GRIK3: variants seen among roughly 807,000 people sequenced by gnomAD.
The protein encoded by GRIK3 is glutamate ionotropic receptor kainate type subunit 3.
In GRIK3, 29 loss-of-function variants were observed where a neutral mutation model predicts 102.5. That is an observed-to-expected ratio of 0.28 (90% confidence interval 0.21 to 0.39). The LOEUF (loss-of-function observed/expected upper bound fraction) is 0.39, where lower values mean the gene tolerates loss of function less well. Ranked by LOEUF, GRIK3 falls within the 10% of genes least tolerant of loss-of-function variation. The pLI, the probability that GRIK3 is intolerant of heterozygous loss-of-function variation, is 1.00. For missense variants in GRIK3, 908 were observed against 1,252.4 expected, an observed-to-expected ratio of 0.73 and a Z score of 4.15; for synonymous variants, 511 against 504.9, an observed-to-expected ratio of 1.01 and a Z score of -0.16.
At chr1:36,887,228 C>A (rs560559865) in intron 2 of GRIK3, among the ~76,000 whole-genome samples, 2 of 152,256 alleles carry the variant, frequency 1.3e-5, no homozygotes, top group East Asian at 3.9e-4. Context: ...GATAAAACAA[C>A]AGCATTTCTA....
chr1:36,806,014 G>T lies in GRIK3; in HGVS notation c.2314+90C>A. The T allele has an allele frequency of 4.3e-6, 3 of 695,462 alleles. No homozygotes were observed. Among genetic ancestry groups the T allele is most frequent in the South Asian group, 3.5e-5 (2 of 57,534 alleles). The allele number at this position is 695,462 out of a possible 1,614,324, so 43.1% of individuals were successfully genotyped here. On this transcript the variant is annotated intron_variant, in intron 14 of 15. Coordinates refer to ENST00000373091, the MANE Select transcript of GRIK3 (RefSeq NM_000831.4). This position sits in a 1 kb window ranked among gnomAD's most constrained non-coding sequence, Gnocchi z 4.0. Reference sequence around the variant, plus strand: ...GTCACCTTTATCAGCCCCATGGAATGAGCTGTGAGACGGAGTGTGAGGGGA... The same window carrying T: ...GTCACCTTTATCAGCCCCATGGAATTAGCTGTGAGACGGAGTGTGAGGGGA...
intron 15 of GRIK3, among the ~76,000 whole-genome samples, chr1:36,803,760 C>T (rs1213619776): frequency 6.6e-6 from 1 of 152,210 alleles, no homozygotes; most frequent in Non-Finnish European, 1.5e-5. Flanking sequence ...TGGGAATTCT[C>T]AGAGAATTTG....
intron 5 of GRIK3, among the ~76,000 whole-genome samples, chr1:36,863,339 A>G (rs1028258827): frequency 6.6e-6 from 1 of 152,156 alleles, no homozygotes; most frequent in Non-Finnish European, 1.5e-5. Flanking sequence ...GATCTTTCTA[A>G]GGTATAAATC....
chr1:36,963,747 C>T (rs1273271099), intron 1 of GRIK3, among the ~76,000 whole-genome samples: 11 of 152,178 alleles, frequency 7.2e-5, no homozygotes, highest in Admixed American at 5.9e-4. Flanking sequence ...AAACAATCCC[C>T]AGTGAGATAT....
intron 6 of GRIK3, 83 bp from the exon 7 acceptor site, chr1:36,859,334 T>C (rs12067006): frequency 0.26 from 369,381 of 1,409,530 alleles, 51,766 homozygotes; most frequent in African/African-American, 0.44. Flanking sequence ...TTCTCCTCCC[T>C]TGCCACAGGT....
chr1:36,856,172 T>C (rs575945982), intron 7 of GRIK3, among the ~76,000 whole-genome samples: 1 of 152,350 alleles, frequency 6.6e-6, no homozygotes, highest in African/African-American at 2.4e-5. Context: ...TCCCTCCGCC[T>C]TCTCTCCTCT....
At chr1:36,923,687 C>T (rs559799059) in intron 1 of GRIK3, among the ~76,000 whole-genome samples, 1 of 152,324 alleles carries the variant, frequency 6.6e-6, no homozygotes, top group Admixed American at 6.5e-5. Flanking sequence ...AACTCCTTGT[C>T]TCACATCATA....
At chr1:36,844,013 G>A (rs1024495016) in intron 9 of GRIK3, among the ~76,000 whole-genome samples, 6 of 152,246 alleles carry the variant, frequency 3.9e-5, no homozygotes, top group African/African-American at 1.4e-4. Context: ...AGAGGTCCTA[G>A]GAGCAGATGC....
intron 1 of GRIK3, among the ~76,000 whole-genome samples, chr1:36,942,215 G>T (rs1641728857): frequency 6.6e-6 from 1 of 152,194 alleles, no homozygotes; most frequent in South Asian, 2.1e-4. Context: ...TCTCCGTCGA[G>T]CAGGTCTCTG....
rs557984399 is a variant in GRIK3, at chr1:36,880,350, G to A, written c.550+284C>T. On this transcript the variant is annotated intron_variant, in intron 3 of 15. Transcript: ENST00000373091. This position sits in a 1 kb window ranked among gnomAD's most constrained non-coding sequence, Gnocchi z 5.4. The stretch of plus-strand genomic sequence containing the variant: ...TTGCAGATGTGTGTGCTGCTGCTAG[G>A]GTGGGTGTTCAGTGCAGATTTGAAC... 6.6e-6 allele frequency among the ~76,000 whole-genome samples: 1 copy of A among 152,190 alleles called. No homozygotes were observed.
rs765733567 is a variant in GRIK3, at chr1:36,801,987, C to T, written c.2624G>A (p.Arg875Gln). ...GGGAGGCTGAGGCTTGTGCTTGACT[C>T]GACGCTGGCAGGTAAGGGAGAAACG... Reference protein sequence around the residue: ...EIRFSLTCQRRVKHKPQPPMM... With the variant: ...EIRFSLTCQRQVKHKPQPPMM... The change falls in exon 16 of 16, where the codon CGA (arginine) becomes CAA (glutamine). Residue 875 changes from arginine (R) to glutamine (Q), a missense_variant. Physicochemically the swap from Arg to Gln is conservative, Grantham distance 43 (BLOSUM62 1). Transcript: ENST00000373091. 5.6e-6 allele frequency: 9 copies of T among 1,613,592 alleles called. No homozygotes were observed. In the East Asian group the frequency reaches 6.7e-5, roughly 12 times the overall value.
intron 11 of GRIK3, 24 bp downstream of exon 11, chr1:36,825,579 T>G (rs1402217464): frequency 6.6e-7 from 1 of 1,508,494 alleles, no homozygotes; most frequent in Non-Finnish European, 9.0e-7. Context: ...TTGGGCCCGA[T>G]GTCTGGCCAA....
At chr1:36,969,837 T>C (rs1414442033) in intron 1 of GRIK3, among the ~76,000 whole-genome samples, 2 of 152,196 alleles carry the variant, frequency 1.3e-5, no homozygotes, top group Admixed American at 1.3e-4. Flanking sequence ...GAGCTTTCCA[T>C]GAAACCCCAT....
At chr1:36,926,188 C>CTGCCCT (rs1557427840) in intron 1 of GRIK3, among the ~76,000 whole-genome samples, 16 of 152,030 alleles carry the variant, frequency 1.1e-4, no homozygotes, top group Non-Finnish European at 1.5e-4. Flanking sequence ...CCCTTTGCCC[C>CTGCCCT]CTGCCCTAAC....
intron 11 of GRIK3, 34 bp downstream of exon 11, chr1:36,825,569 T>C (rs756590343): frequency 6.8e-7 from 1 of 1,461,826 alleles, no homozygotes; most frequent in Non-Finnish European, 9.3e-7. Context: ...ACCTTCAACC[T>C]TGGGCCCGAT....
chr1:36,871,750 G>A (rs576996649), intron 4 of GRIK3, among the ~76,000 whole-genome samples: 6 of 152,208 alleles, frequency 3.9e-5, no homozygotes, highest in East Asian at 1.9e-4. Context: ...ACCAAGTGCC[G>A]TGGGCTACGG....
chr1:36,841,913 T>C lies in GRIK3; in HGVS notation c.1353A>G (p.Lys451=), dbSNP rs1487727042. 1 of 1,614,208 alleles carries C rather than the reference T, an allele frequency of 6.2e-7. No homozygotes were observed. The highest frequency in any genetic ancestry group is 1.1e-5 in the South Asian group (1 of 91,078). ...CATTCCCGTATAGCGTCCTGTCTGA[T>C]TTCCGAAACATGACGAAGGGCTCCT... ...VLEEPFVMFR[K]SDRTLYGNDR... The change falls in exon 10 of 16, where the codon AAA becomes AAG. Residue 451 remains lysine, a synonymous_variant. Transcript: ENST00000373091.
intron 10 of GRIK3, among the ~76,000 whole-genome samples, chr1:36,839,171 T>G (rs1167722271): frequency 6.6e-6 from 1 of 152,118 alleles, no homozygotes; most frequent in African/African-American, 2.4e-5. Context: ...CCACGTGATC[T>G]TCCTTCTCCC....
intron 13 of GRIK3, among the ~76,000 whole-genome samples, chr1:36,812,620 T>C (rs771299358): frequency 1.4e-5 from 2 of 145,334 alleles, no homozygotes; most frequent in Non-Finnish European, 3.0e-5. Flanking sequence ...CCCTGACAAC[T>C]CTTCAAATGA....
Sources: allele counts gnomAD v4.1 joint callset (sites outside exome capture counted in the v4.1 genomes callset), GRCh38; gene constraint gnomAD v4.1.1; non-coding constraint Gnocchi (gnomAD v3.1); transcripts MANE v1.5; gene names NCBI Gene and HGNC (gene_info 2026-07-23, HGNC 2026-07-21).